The following NSMCE2 variants were observed in gnomAD, a reference collection of about 807,000 sequenced individuals.
NSMCE2 encodes the protein E3 SUMO-protein ligase NSE2.
A neutral mutation model predicts 23.8 loss-of-function variants in NSMCE2; 24 were observed. That is an observed-to-expected ratio of 1.01 (90% confidence interval 0.73 to 1.42). The LOEUF is 1.42. Ranked by LOEUF, NSMCE2 falls within the 40% of genes most tolerant of loss-of-function variation. The pLI is 0.00. For synonymous variants in NSMCE2, 92 were observed against 94.1 expected (o/e 0.98, Z 0.13); for missense variants, 284 against 296.5 (o/e 0.96, Z 0.31).
chr8:125,121,945 A>G (rs1001821473), intron 3 of NSMCE2, among the ~76,000 whole-genome samples: 8 of 152,060 alleles, frequency 5.3e-5, no homozygotes, highest in Non-Finnish European at 1.0e-4. Context: ...CTCCTTACAT[A>G]TTCTCACCCA....
chr8:125,265,348 A>G lies in NSMCE2; in HGVS notation c.418+83092A>G, dbSNP rs911541265. ...GCGATTTTCCTACCTCAGCCTCCCAAGTAGCTGGGATTACAGGCATGCACC... is the reference window on the plus strand; with the variant it reads ...GCGATTTTCCTACCTCAGCCTCCCAGGTAGCTGGGATTACAGGCATGCACC... On this transcript the variant is annotated intron_variant, in intron 5 of 7. Coordinates refer to ENST00000287437, the MANE Select transcript of NSMCE2 (RefSeq NM_173685.4). 5.4e-4 allele frequency among the ~76,000 whole-genome samples: 82 copies of G among 152,024 alleles called. 1 individual carries two copies. The highest frequency in any genetic ancestry group is 1.9e-3 in the African/African-American group (79 of 41,458).
chr8:125,345,684 G>A (rs1249822592), intron 5 of NSMCE2, among the ~76,000 whole-genome samples: 1 of 152,216 alleles, frequency 6.6e-6, no homozygotes, highest in East Asian at 1.9e-4. Context: ...AGTCTTGGAG[G>A]GTGGTCAGAG....
Position 125,272,822 on chromosome 8 carries a change from T to C in NSMCE2, c.419-84397T>C, listed in dbSNP as rs143282449. On this transcript the variant is annotated intron_variant, in intron 5 of 7. Coordinates refer to ENST00000287437, the MANE Select transcript of NSMCE2 (RefSeq NM_173685.4). ...ATATATATACACACACGTATATATA[T>C]ACACATATATATACACACGTATATA... Among the ~76,000 whole-genome samples the C allele has an allele frequency of 1.3e-4, 14 of 111,554 alleles. 1 individual carries two copies. Among genetic ancestry groups the C allele is most frequent in the African/African-American group, 4.1e-4 (11 of 27,088 alleles). The allele number at this position is 111,554 out of a possible 152,430, so 73.2% of individuals were successfully genotyped here. A position where few individuals can be genotyped will look rare whatever the true frequency, so the allele number is the denominator to read the frequency against.
intron 5 of NSMCE2, among the ~76,000 whole-genome samples, chr8:125,233,388 A>G (rs985546115): frequency 1.3e-5 from 2 of 152,198 alleles, no homozygotes; most frequent in African/African-American, 4.8e-5. Context: ...GAACAAATAC[A>G]AATAATTTTA....
At chr8:125,130,234 G>C (rs3923300) in intron 3 of NSMCE2, 36,400 of 455,584 alleles carry the variant, frequency 0.08, 1,860 homozygotes, top group South Asian at 0.14. Context: ...GAAGAGCACA[G>C]AGGTCAAGGG....
chr8:125,098,889 G>A (rs977093257), intron 1 of NSMCE2, among the ~76,000 whole-genome samples: 1 of 152,100 alleles, frequency 6.6e-6, no homozygotes, highest in African/African-American at 2.4e-5. Flanking sequence ...AGATGGAATG[G>A]GTCTAGTTGG....
chr8:125,307,369 A>G (rs1041066052), intron 5 of NSMCE2, among the ~76,000 whole-genome samples: 1 of 152,250 alleles, frequency 6.6e-6, no homozygotes, highest in Admixed American at 6.5e-5. Context: ...CCAGCCAGCC[A>G]TCGTGTTGTC....
At chr8:125,356,392 G>T (rs1385238730) in intron 5 of NSMCE2, among the ~76,000 whole-genome samples, 5 of 146,214 alleles carry the variant, frequency 3.4e-5, no homozygotes, top group Non-Finnish European at 6.0e-5. Flanking sequence ...GAAATGGCAG[G>T]ATCTTGGCCC....
At chr8:125,118,981 G>A (rs945055794) in intron 3 of NSMCE2, among the ~76,000 whole-genome samples, 2 of 152,116 alleles carry the variant, frequency 1.3e-5, no homozygotes, top group Non-Finnish European at 2.9e-5. Flanking sequence ...CATATTGTGC[G>A]CATAAATTTC....
chr8:125,260,264 C>T (rs1357369009), intron 5 of NSMCE2, among the ~76,000 whole-genome samples: 1 of 152,074 alleles, frequency 6.6e-6, no homozygotes, highest in African/African-American at 2.4e-5. Context: ...GTTCCTTAGG[C>T]TAAGTCACTA....
chr8:125,343,822 C>T (rs1830334160), intron 5 of NSMCE2, among the ~76,000 whole-genome samples: 1 of 151,302 alleles, frequency 6.6e-6, no homozygotes, highest in Non-Finnish European at 1.5e-5. Flanking sequence ...GGTGAAACCC[C>T]GTCTCCACTA....
At chr8:125,101,414 C>A (rs1359939200) in intron 1 of NSMCE2, among the ~76,000 whole-genome samples, 1 of 152,156 alleles carries the variant, frequency 6.6e-6, no homozygotes, top group African/African-American at 2.4e-5. Flanking sequence ...TTATTCCTTT[C>A]CATTTTAAAG....
intron 3 of NSMCE2, among the ~76,000 whole-genome samples, chr8:125,110,272 A>G (rs1257548726): frequency 6.6e-6 from 1 of 152,204 alleles, no homozygotes; most frequent in African/African-American, 2.4e-5. Context: ...GTTTTACCAG[A>G]TTCTTGCTAA....
Position 125,361,116 on chromosome 8 carries a change from G to A in NSMCE2, c.626+3298G>A, listed in dbSNP as rs187519139. Among the ~76,000 whole-genome samples, 11 of 140,178 alleles carry A rather than the reference G, an allele frequency of 7.8e-5. No individual in the cohort carries two copies. The East Asian group carries it at 2.2e-3, about 29-fold the overall frequency. 92.0% of individuals were successfully genotyped at this position (140,178 alleles called of 152,430 possible). A position where few individuals can be genotyped will look rare whatever the true frequency, so the allele number is the denominator to read the frequency against. ...TTCTTTTCCTTTTTTTTTTGAGACAGAGTCTCACTCTGTCTCCCAGGCTGG... is the reference window on the plus strand; with the variant it reads ...TTCTTTTCCTTTTTTTTTTGAGACAAAGTCTCACTCTGTCTCCCAGGCTGG... On this transcript the variant is annotated intron_variant, in intron 7 of 7. Transcript: ENST00000287437.
At chr8:125,141,919 A>G (rs1022076005) in intron 3 of NSMCE2, among the ~76,000 whole-genome samples, 1 of 152,132 alleles carries the variant, frequency 6.6e-6, no homozygotes, top group Non-Finnish European at 1.5e-5. Context: ...TGCCGGGCAA[A>G]TGAGTTTCTG....
chr8:125,174,745 G>C (rs979653554), intron 4 of NSMCE2, among the ~76,000 whole-genome samples: 4 of 152,222 alleles, frequency 2.6e-5, no homozygotes, highest in Non-Finnish European at 5.9e-5. Context: ...CTTAATAGTA[G>C]TGTATTACAA....
At chr8:125,218,474 C>T (rs555111641) in intron 5 of NSMCE2, among the ~76,000 whole-genome samples, 31 of 150,652 alleles carry the variant, frequency 2.1e-4, no homozygotes, top group Admixed American at 1.7e-3. Context: ...TGCAGTGGCA[C>T]GATCTTGGCT....
chr8:125,331,723 T>C (rs181938821), intron 5 of NSMCE2, among the ~76,000 whole-genome samples: 12 of 152,262 alleles, frequency 7.9e-5, no homozygotes, highest in African/African-American at 2.6e-4. Context: ...AGAACCCAAA[T>C]CCCCTGCAAG....
intron 5 of NSMCE2, among the ~76,000 whole-genome samples, chr8:125,239,581 C>T (rs562651575): frequency 2.0e-4 from 29 of 145,810 alleles, no homozygotes; most frequent in African/African-American, 6.2e-4. Flanking sequence ...TGCACTCTAG[C>T]CTGGGCGACA....
Sources: allele counts gnomAD v4.1 joint callset (sites outside exome capture counted in the v4.1 genomes callset), GRCh38; gene constraint gnomAD v4.1.1; transcripts MANE v1.5; gene names NCBI Gene and HGNC (gene_info 2026-07-23, HGNC 2026-07-21).